The following ADGRE2 variants were observed in gnomAD, a reference collection of about 807,000 sequenced individuals.
ADGRE2 encodes CD97 antigen.
A neutral mutation model predicts 100.8 loss-of-function variants in ADGRE2; 83 were observed. The ratio of observed to expected loss-of-function variants is 0.82; its 90% confidence interval spans 0.69 to 0.99. The LOEUF (loss-of-function observed/expected upper bound fraction) is 0.99, where lower values mean the gene tolerates loss of function less well. Ranked by LOEUF, ADGRE2 falls within the 50% of genes least tolerant of loss-of-function variation. The pLI, the probability that ADGRE2 is intolerant of heterozygous loss-of-function variation, is 0.00. For synonymous variants in ADGRE2, 355 were observed against 413.0 expected (o/e 0.86, Z 1.70); for missense variants, 814 against 1,035.7 (o/e 0.79, Z 2.94).
chr19:14,742,180 G>A (rs764894437), intron 20 of ADGRE2: 11 of 397,786 alleles, frequency 2.8e-5, no homozygotes, highest in Admixed American at 4.4e-5. Flanking sequence ...GGCATCACCC[G>A]CTGATTCCCA....
In ADGRE2 at chr19:14,740,029, A is replaced by G. The variant is rs565766758; in HGVS notation, c.2463+3391T>C. 3.0e-3 allele frequency among the ~76,000 whole-genome samples: 457 copies of G among 151,694 alleles called. 3 individuals are homozygous for G. Among genetic ancestry groups the G allele is most frequent in the Non-Finnish European group, 5.2e-3 (353 of 67,930 alleles). ...GGCACGAGAATCACTTGAACCCTGG[A>G]GGCAGAGTTTGCAGTGAGCCCAGAT... On this transcript the variant is annotated intron_variant, in intron 20 of 20. Transcript: ENST00000315576.
At chr19:14,736,756 A>G (rs2042758973) in intron 20 of ADGRE2, among the ~76,000 whole-genome samples, 1 of 145,894 alleles carries the variant, frequency 6.9e-6, no homozygotes. Context: ...TTAGAAATAT[A>G]TAGATATTTA....
chr19:14,768,431 A>C (rs544485875), intron 5 of ADGRE2, among the ~76,000 whole-genome samples: 7 of 152,300 alleles, frequency 4.6e-5, no homozygotes, highest in African/African-American at 1.7e-4. Flanking sequence ...CCCTGGGTGA[A>C]GGTTTAGTGG....
At chr19:14,773,561 G>C (rs2147552350) in intron 4 of ADGRE2, among the ~76,000 whole-genome samples, 1 of 151,564 alleles carries the variant, frequency 6.6e-6, no homozygotes, top group African/African-American at 2.4e-5. Flanking sequence ...GCCCAGGCTA[G>C]AGTGCAATGG....
chr19:14,767,349 C>T (rs529489986), intron 5 of ADGRE2, among the ~76,000 whole-genome samples: 3 of 152,060 alleles, frequency 2.0e-5, no homozygotes, highest in East Asian at 3.9e-4. Context: ...CGCCATTCTC[C>T]TGCCTCAGCC....
At chr19:14,773,544 C>T (rs538323008) in intron 4 of ADGRE2, among the ~76,000 whole-genome samples, 58 of 151,438 alleles carry the variant, frequency 3.8e-4, no homozygotes, top group Non-Finnish European at 7.1e-4. Flanking sequence ...CAGGATCTCA[C>T]TCTGTTGCCC....
chr19:14,738,969 C>CTTTT (rs68029679), intron 20 of ADGRE2, among the ~76,000 whole-genome samples: 9 of 104,918 alleles, frequency 8.6e-5, no homozygotes, highest in East Asian at 2.6e-4. Context: ...CTTTTCTTTT[C>CTTTT]TTTTTTTTTT....
chr19:14,746,395 C>G (rs1482066139), intron 17 of ADGRE2, 72 bp from the exon 18 acceptor site: 2 of 774,896 alleles, frequency 2.6e-6, no homozygotes, highest in African/African-American at 4.3e-5. Context: ...TTTTTTCAGA[C>G]AGGGTCTTGC....
chr19:14,777,232 G>A (rs990863752), intron 1 of ADGRE2: 28 of 336,540 alleles, frequency 8.3e-5, no homozygotes, highest in Admixed American at 3.2e-4. Flanking sequence ...ATAGCTCTGG[G>A]CTCCCACTTT....
At chr19:14,746,694 C>T (rs2147171862) in intron 17 of ADGRE2, among the ~76,000 whole-genome samples, 1 of 152,268 alleles carries the variant, frequency 6.6e-6, no homozygotes, top group African/African-American at 2.4e-5. Context: ...CCTAGCCTGT[C>T]TAATATGAAT....
chr19:14,739,266 G>A (rs1215834944), intron 20 of ADGRE2, among the ~76,000 whole-genome samples: 3 of 151,790 alleles, frequency 2.0e-5, no homozygotes, highest in Non-Finnish European at 4.4e-5. Context: ...CAGCGTGTCC[G>A]GCCAAGGCAC....
Position 14,766,152 on chromosome 19 carries a change from T to C in ADGRE2, c.634+83A>G, listed in dbSNP as rs552057957. 102 of 1,604,532 alleles carry C rather than the reference T, an allele frequency of 6.4e-5. 1 individual carries two copies. The highest frequency in any genetic ancestry group is 6.0e-4 in the South Asian group (54 of 90,366). ...CACAGTCGGGCGCCTCCAGCGCTCATTCTGCTTGGTTTGTGTGGGCGCCGT... is the reference window on the plus strand; with the variant it reads ...CACAGTCGGGCGCCTCCAGCGCTCACTCTGCTTGGTTTGTGTGGGCGCCGT... On this transcript the variant is annotated intron_variant, in intron 7 of 20. Coordinates refer to ENST00000315576, the MANE Select transcript of ADGRE2 (RefSeq NM_013447.4).
chr19:14,746,915 G>T lies in ADGRE2; in HGVS notation c.2072C>A (p.Pro691His). 6.2e-7 allele frequency: 1 copy of T among 1,613,842 alleles called. No homozygotes were observed. The highest frequency in any genetic ancestry group is 8.5e-7 in the Non-Finnish European group (1 of 1,179,940). ...ACTCACAGAGAAGATGGCGCAGACA[G>T]GTCCAAGGAAGCCCCATATAAATCC... ...EKGFIWGFLGPVCAIFSVNLV... is the reference protein window; with the variant it reads ...EKGFIWGFLGHVCAIFSVNLV... Residue 691 changes from proline (P) to histidine (H), a missense_variant, in exon 17 of 21, where the codon CCT (proline) becomes CAT (histidine). Physicochemically the swap from Pro to His is moderately conservative, Grantham distance 77. Coordinates refer to ENST00000315576, the MANE Select transcript of ADGRE2 (RefSeq NM_013447.4).
chr19:14,763,329 T>TGA (rs1568609364), intron 11 of ADGRE2, among the ~76,000 whole-genome samples: 1 of 151,660 alleles, frequency 6.6e-6, no homozygotes, highest in East Asian at 1.9e-4. Context: ...GGCGACAGAG[T>TGA]GAGACTCTGT....
chr19:14,749,281 A>T lies in ADGRE2; in HGVS notation c.2024+2155T>A, dbSNP rs375234864. ...TAAAGAATTAAGGAAGCATATAATT[A>T]TGCTTATATAATTATATGTAATTAT... is the stretch of plus-strand genomic sequence containing the variant. On this transcript the variant is annotated intron_variant, in intron 16 of 20. Coordinates refer to ENST00000315576, the MANE Select transcript of ADGRE2 (RefSeq NM_013447.4). Among the ~76,000 whole-genome samples the T allele has an allele frequency of 7.0e-4, 99 of 140,992 alleles. 2 individuals are homozygous for T. The East Asian group carries it at 0.019, about 27-fold the overall frequency. 92.5% of individuals were successfully genotyped at this position (140,992 alleles called of 152,430 possible). A position where few individuals can be genotyped will look rare whatever the true frequency, so the allele number is the denominator to read the frequency against.
At chr19:14,725,392 A>G in the ADGRE2 span, among the ~76,000 whole-genome samples, 5 of 152,218 alleles carry the variant, frequency 3.3e-5, no homozygotes, top group African/African-American at 7.2e-5. Flanking sequence ...TTAAATCTCA[A>G]TACCTTCTCA....
intron 2 of ADGRE2, among the ~76,000 whole-genome samples, chr19:14,776,187 G>GAC (rs1229108047): frequency 6.6e-6 from 1 of 152,114 alleles, no homozygotes; most frequent in Non-Finnish European, 1.5e-5. Flanking sequence ...ACCAGAGAGA[G>GAC]AGACAAAGAG....
chr19:14,750,567 G>GCAAA (rs58778534), intron 16 of ADGRE2, among the ~76,000 whole-genome samples: 7 of 151,274 alleles, frequency 4.6e-5, no homozygotes, highest in African/African-American at 9.7e-5. Context: ...AGTGCAATTG[G>GCAAA]CAAACAAACA....
chr19:14,736,135 G>T lies in ADGRE2; in HGVS notation c.*101C>A. 1 of 1,131,246 alleles carries T rather than the reference G, an allele frequency of 8.8e-7. No homozygotes were observed. Among genetic ancestry groups the T allele is most frequent in the Non-Finnish European group, 1.3e-6 (1 of 771,174 alleles). The allele number at this position is 1,131,246 out of a possible 1,614,324, so 70.1% of individuals were successfully genotyped here. On this transcript the variant is annotated 3_prime_UTR_variant, in exon 21 of 21. Transcript: ENST00000315576. ...ATATTGCTGACATGGTGAATTTCTTGAAACACACAGAACAAAGTCTTTTCT... is the reference window on the plus strand; with the variant it reads ...ATATTGCTGACATGGTGAATTTCTTTAAACACACAGAACAAAGTCTTTTCT...
Sources: allele counts gnomAD v4.1 joint callset (sites outside exome capture counted in the v4.1 genomes callset), GRCh38; gene constraint gnomAD v4.1.1; transcripts MANE v1.5; gene names NCBI Gene and HGNC (gene_info 2026-07-23, HGNC 2026-07-21).